Variants in FOXN3 observed in about 807,000 individuals in gnomAD.
FOXN3 encodes forkhead box protein N3.
Under a neutral mutation model 38.4 loss-of-function variants are expected in FOXN3, and 7 were observed. The ratio of observed to expected loss-of-function variants is 0.18; its 90% CI spans 0.10 to 0.34. The LOEUF is 0.34. Ranked by LOEUF, FOXN3 falls within the 10% of genes least tolerant of loss-of-function variation. The pLI is 1.00. For missense variants in FOXN3, 456 were observed against 613.4 expected, an observed-to-expected ratio of 0.74 and a Z score of 2.71; for synonymous variants, 230 against 242.2, an observed-to-expected ratio of 0.95 and a Z score of 0.47.
At chr14:89,388,545 C>T (rs1047779212) in intron 2 of FOXN3, among the ~76,000 whole-genome samples, 4 of 152,132 alleles carry the variant, frequency 2.6e-5, no homozygotes, top group Admixed American at 1.3e-4. Flanking sequence ...CCCCTGCACA[C>T]AGCGCTGTCC....
intron 2 of FOXN3, among the ~76,000 whole-genome samples, chr14:89,381,773 T>A (rs1191873343): frequency 1.3e-5 from 2 of 151,370 alleles, no homozygotes; most frequent in African/African-American, 2.4e-5. Context: ...GATGGGAGGA[T>A]CTCTGGAGTC....
chr14:89,586,436 T>A (rs1181119366), intron 1 of FOXN3, among the ~76,000 whole-genome samples: 1 of 152,100 alleles, frequency 6.6e-6, no homozygotes, highest in Non-Finnish European at 1.5e-5. Context: ...AAAACCAGCA[T>A]CAGAAGCTGA....
intron 1 of FOXN3, among the ~76,000 whole-genome samples, chr14:89,493,169 T>C: frequency 6.6e-6 from 1 of 152,168 alleles, no homozygotes; most frequent in East Asian, 1.9e-4. Context: ...TACCATGCCA[T>C]TTTACATTCT....
At chr14:89,357,637 T>C (rs544754044) in intron 2 of FOXN3, among the ~76,000 whole-genome samples, 30 of 150,592 alleles carry the variant, frequency 2.0e-4, no homozygotes, top group African/African-American at 7.3e-4. Flanking sequence ...GAGAGAGAGC[T>C]AGAAACCTGA....
At chr14:89,613,348 CAAACCATGGGAGCTT>C (rs1454672855) in intron 1 of FOXN3, among the ~76,000 whole-genome samples, 1 of 152,078 alleles carries the variant, frequency 6.6e-6, no homozygotes, top group Non-Finnish European at 1.5e-5. Context: ...GAAAGTCCCC[CAAACCATGGGAGCTT>C]AATGCTCACT....
intron 4 of FOXN3, among the ~76,000 whole-genome samples, chr14:89,210,947 C>T (rs183370241): frequency 7.5e-4 from 114 of 152,346 alleles, no homozygotes; most frequent in Non-Finnish European, 1.1e-3. Flanking sequence ...TTAATTTTTA[C>T]ATTTCTCCAC....
intron 5 of FOXN3, among the ~76,000 whole-genome samples, chr14:89,168,764 A>G (rs1055405632): frequency 5.9e-5 from 9 of 152,234 alleles, no homozygotes; most frequent in African/African-American, 2.2e-4. Context: ...CAGAAAGCCA[A>G]CACGTCCCAT....
intron 1 of FOXN3, among the ~76,000 whole-genome samples, chr14:89,514,127 G>A (rs1894156102): frequency 6.6e-6 from 1 of 152,170 alleles, no homozygotes; most frequent in Non-Finnish European, 1.5e-5. Context: ...ACAAGCCAGA[G>A]CAAAGGAGAT....
At chr14:89,559,070 T>C (rs955771036) in intron 1 of FOXN3, among the ~76,000 whole-genome samples, 3 of 152,104 alleles carry the variant, frequency 2.0e-5, no homozygotes, top group Non-Finnish European at 4.4e-5. Context: ...GCAGAACTTA[T>C]GCGAACAGGA....
chr14:89,422,413 A>AGTT, intron 1 of FOXN3, among the ~76,000 whole-genome samples: 1 of 152,236 alleles, frequency 6.6e-6, no homozygotes, highest in Non-Finnish European at 1.5e-5. Context: ...CAGAAGAGTC[A>AGTT]GTGAGACTGG....
rs144610693 is a variant in FOXN3 at position 89,344,322 on chromosome 14, G to T, written c.680+6350C>A. Reference sequence around the variant, plus strand: ...TTCTGACCATCTAACACCCAATCATGGTCAATCCATCATGGAGGCCAAAGG... The same window carrying T: ...TTCTGACCATCTAACACCCAATCATTGTCAATCCATCATGGAGGCCAAAGG... On this transcript the variant is annotated intron_variant, in intron 3 of 5. Coordinates refer to ENST00000557258, the MANE Select transcript of FOXN3 (RefSeq NM_005197.4). 5.3e-3 allele frequency among the ~76,000 whole-genome samples: 789 copies of T among 150,202 alleles called. 7 individuals carry two copies. The highest frequency in any genetic ancestry group is 8.5e-3 in the Non-Finnish European group (578 of 67,766).
At chr14:89,285,376 A>G (rs1886594634) in intron 3 of FOXN3, among the ~76,000 whole-genome samples, 1 of 152,098 alleles carries the variant, frequency 6.6e-6, no homozygotes, top group Non-Finnish European at 1.5e-5. Context: ...AAAATTAGCC[A>G]GGCATGGTGG....
At chr14:89,197,692 C>T (rs1888134100) in intron 4 of FOXN3, among the ~76,000 whole-genome samples, 1 of 152,194 alleles carries the variant, frequency 6.6e-6, no homozygotes, top group Non-Finnish European at 1.5e-5. Flanking sequence ...GGGAGAAGTA[C>T]TGGATGCTCC....
chr14:89,345,961 G>T (rs757678249), intron 3 of FOXN3, among the ~76,000 whole-genome samples: 1 of 152,200 alleles, frequency 6.6e-6, no homozygotes, highest in Non-Finnish European at 1.5e-5. Flanking sequence ...GCTGAAGCAG[G>T]AGAATCACTT....
At chr14:89,312,091 C>T (rs1887567138) in intron 3 of FOXN3, among the ~76,000 whole-genome samples, 2 of 151,768 alleles carry the variant, frequency 1.3e-5, no homozygotes, top group Admixed American at 1.3e-4. Flanking sequence ...TTGAGACCAG[C>T]CTGGCCAACA....
At chr14:89,448,102 G>C (rs1467173116) in intron 1 of FOXN3, among the ~76,000 whole-genome samples, 1 of 152,008 alleles carries the variant, frequency 6.6e-6, no homozygotes, top group East Asian at 1.9e-4. Flanking sequence ...GTGAGCCACT[G>C]TGCCTGCCGA....
At chr14:89,521,898 T>C (rs1327278663) in intron 1 of FOXN3, among the ~76,000 whole-genome samples, 1 of 152,026 alleles carries the variant, frequency 6.6e-6, no homozygotes, top group Non-Finnish European at 1.5e-5. Flanking sequence ...ACACCTATAA[T>C]TCCAGCTACT....
At chr14:89,230,873 GA>G (rs35974439) in intron 4 of FOXN3, 1 of 455,650 alleles carries the variant, frequency 2.2e-6, no homozygotes, top group Non-Finnish European at 4.4e-6. Context: ...TTTTTCTGTT[GA>G]AAAAATAGCT....
At chr14:89,177,933 T>C (rs980880408) in intron 5 of FOXN3, among the ~76,000 whole-genome samples, 4 of 152,328 alleles carry the variant, frequency 2.6e-5, no homozygotes, top group Admixed American at 6.5e-5. Context: ...ACTCTCTCCA[T>C]GATACCCTGA....
Sources: gnomAD v4.1 joint callset for allele counts (sites outside exome capture counted in the v4.1 genomes callset) on GRCh38, gnomAD v4.1.1 for gene constraint, MANE v1.5 for transcripts, NCBI Gene and HGNC (gene_info 2026-07-23, HGNC 2026-07-21) for gene names.